IRAK3: variants seen among roughly 807,000 people sequenced by gnomAD.
IRAK3 encodes the protein interleukin-1 receptor-associated kinase 3.
In IRAK3, 57 loss-of-function variants were observed where a neutral mutation model predicts 56.6. That is an observed-to-expected ratio of 1.01 (90% confidence interval 0.81 to 1.26). The LOEUF (loss-of-function observed/expected upper bound fraction) is 1.26, where lower values mean the gene tolerates loss of function less well. IRAK3 is among the 50% of genes most tolerant of loss of function. The probability of loss-of-function intolerance (pLI) is 0.00; values close to 1 mark genes in which losing one functional copy is unlikely to be tolerated. For synonymous variants in IRAK3, 258 were observed against 255.7 expected (o/e 1.01, Z -0.09); for missense variants, 703 against 719.0 (o/e 0.98, Z 0.25).
At chr12:66,232,624 G>A (rs1198563052) in intron 8 of IRAK3, among the ~76,000 whole-genome samples, 1 of 152,184 alleles carries the variant, frequency 6.6e-6, no homozygotes, top group Non-Finnish European at 1.5e-5. Flanking sequence ...TCTTTTAAAT[G>A]AATCCTCCAC....
chr12:66,215,086 C>T (rs1382954214), intron 5 of IRAK3, among the ~76,000 whole-genome samples: 1 of 152,140 alleles, frequency 6.6e-6, no homozygotes. Context: ...AGAAGATGAA[C>T]AGTCTGCTAA....
Position 66,247,763 on chromosome 12 carries a change from G to T in IRAK3, c.1383G>T (p.Lys461Asn), listed in dbSNP as rs2053050271. 2 of 1,614,076 alleles carry T rather than the reference G, an allele frequency of 1.2e-6. No homozygotes were observed. The highest frequency in any genetic ancestry group is 1.7e-6 in the Non-Finnish European group (2 of 1,180,018). Residue 461 changes from lysine (K) to asparagine (N), a missense_variant, in exon 12 of 12, where the codon AAG (lysine) becomes AAT (asparagine). Lys to Asn is a moderately conservative substitution (Grantham distance 94, BLOSUM62 0). Coordinates refer to ENST00000261233, the MANE Select transcript of IRAK3 (RefSeq NM_007199.3). ...CTGAAGATCCTCCCACATCACTAAA[G>T]TCCTTCAGGTGTCCTTCTCCTCTAT... The part of the protein sequence containing the change: ...YFAEDPPTSL[K>N]SFRCPSPLFL...
rs117701675 is a variant in IRAK3, at chr12:66,253,358, C to T, written c.*5187C>T. The T allele has an allele frequency of 6.6e-6, 1 of 152,270 alleles. No individual in the cohort carries two copies. Among genetic ancestry groups the T allele is most frequent in the Non-Finnish European group, 1.5e-5 (1 of 68,018 alleles). 9.4% of individuals were successfully genotyped at this position (152,270 alleles called of 1,614,324 possible). ...CTCTATGGTGGAAAATATTCCCAAA[C>T]CATGTCTAAGCAATGAAAAACCAGT... is the stretch of plus-strand genomic sequence containing the variant. On this transcript the variant is annotated 3_prime_UTR_variant, in exon 12 of 12. Coordinates refer to ENST00000261233, the MANE Select transcript of IRAK3 (RefSeq NM_007199.3).
chr12:66,235,290 C>T, intron 8 of IRAK3: 3 of 1,347,828 alleles, frequency 2.2e-6, no homozygotes, highest in Non-Finnish European at 2.9e-6. Flanking sequence ...AAGATCATCG[C>T]TGCGGGCCGC....
Position 66,230,924 on chromosome 12 carries a change from A to G in IRAK3, c.887+2554A>G, listed in dbSNP as rs1384071043. Among the ~76,000 whole-genome samples, 3 of 152,196 alleles carry G rather than the reference A, an allele frequency of 2.0e-5. No individual in the cohort carries two copies. In the East Asian group the frequency reaches 5.8e-4, roughly 29 times the overall value. The stretch of plus-strand genomic sequence containing the variant: ...AAATGCGATTCTGAGCAAATTGCTT[A>G]ATGTCTCTAAGCCTCAATCTTCCTC... On this transcript the variant is annotated intron_variant, in intron 8 of 11. Transcript: ENST00000261233.
intron 6 of IRAK3, among the ~76,000 whole-genome samples, chr12:66,219,034 G>A (rs1431453235): frequency 8.9e-5 from 13 of 146,818 alleles, no homozygotes; most frequent in South Asian, 6.3e-4. Context: ...ATATTCCATC[G>A]TGTGTGTGTG....
intron 11 of IRAK3, among the ~76,000 whole-genome samples, chr12:66,247,102 T>C (rs1411649613): frequency 6.6e-6 from 1 of 152,026 alleles, no homozygotes; most frequent in East Asian, 1.9e-4. Context: ...AAACCCCATC[T>C]CTACTAAAAA....
chr12:66,223,682 T>C (rs1316146627), intron 6 of IRAK3, among the ~76,000 whole-genome samples: 1 of 150,658 alleles, frequency 6.6e-6, no homozygotes, highest in Non-Finnish European at 1.5e-5. Flanking sequence ...GTTATCATGG[T>C]TTTTGCCATT....
At chr12:66,207,792 T>C (rs1347053674) in intron 2 of IRAK3, among the ~76,000 whole-genome samples, 2 of 152,212 alleles carry the variant, frequency 1.3e-5, no homozygotes, top group Non-Finnish European at 2.9e-5. Flanking sequence ...TTGTTATTTA[T>C]GATTTTGTTG....
chr12:66,203,674 A>T (rs751503274), intron 1 of IRAK3, 37 bp from the exon 2 acceptor site: 21 of 1,563,986 alleles, frequency 1.3e-5, no homozygotes, highest in Non-Finnish European at 1.6e-5. Flanking sequence ...ATAAAAGTAC[A>T]GTAAACAATT....
chr12:66,229,667 C>G (rs1324832423), intron 8 of IRAK3, among the ~76,000 whole-genome samples: 1 of 152,128 alleles, frequency 6.6e-6, no homozygotes, highest in Non-Finnish European at 1.5e-5. Flanking sequence ...TTAATGCACA[C>G]TCATGGGACC....
intron 8 of IRAK3, among the ~76,000 whole-genome samples, chr12:66,236,395 CAAAAA>C (rs56074285): frequency 1.8e-5 from 2 of 110,372 alleles, no homozygotes; most frequent in Admixed American, 9.4e-5. Context: ...CTAAAAATAC[CAAAAA>C]AAAAAAAAAA....
chr12:66,196,781 T>A, intron 1 of IRAK3: 1 of 1,255,050 alleles, frequency 8.0e-7, no homozygotes, highest in Non-Finnish European at 1.1e-6. Flanking sequence ...TCTTTTGGAA[T>A]TAAAAATGTC....
At chr12:66,243,122 C>T (rs2052988896) in intron 8 of IRAK3, among the ~76,000 whole-genome samples, 1 of 151,794 alleles carries the variant, frequency 6.6e-6, no homozygotes, top group Non-Finnish European at 1.5e-5. Flanking sequence ...GTCAACTCAG[C>T]CCTAGACAAA....
chr12:66,232,653 C>T (rs1241663516), intron 8 of IRAK3, among the ~76,000 whole-genome samples: 2 of 152,172 alleles, frequency 1.3e-5, no homozygotes, highest in East Asian at 3.9e-4. Context: ...AAACCTAGGC[C>T]TCCCTGAGTG....
chr12:66,207,236 C>T (rs1255343280), intron 2 of IRAK3, among the ~76,000 whole-genome samples: 4 of 152,010 alleles, frequency 2.6e-5, no homozygotes, highest in Admixed American at 6.6e-5. Context: ...TTTGGGAGGC[C>T]GAGGCAGGCA....
chr12:66,211,414 T>TA, intron 4 of IRAK3, 32 bp from the exon 5 acceptor site: 1 of 1,517,044 alleles, frequency 6.6e-7, no homozygotes, highest in Non-Finnish European at 9.2e-7. Context: ...CCTTCTTAGC[T>TA]AACTTATCTT....
chr12:66,237,453 A>T (rs1379039109), intron 8 of IRAK3, among the ~76,000 whole-genome samples: 3 of 152,212 alleles, frequency 2.0e-5, no homozygotes, highest in Non-Finnish European at 4.4e-5. Flanking sequence ...AAAAGGAGAT[A>T]AAAGCTCATT....
rs879949712 is a variant in IRAK3, at chr12:66,234,997, C to T, written c.887+6627C>T. ...CAAAACCATAACCTTTGCATTTGTTCGTTGTCTTATGCAAAATTGCGTTTG... is the reference window on the plus strand; with the variant it reads ...CAAAACCATAACCTTTGCATTTGTTTGTTGTCTTATGCAAAATTGCGTTTG... On this transcript the variant is annotated intron_variant, in intron 8 of 11. Transcript: ENST00000261233. 3.7e-6 allele frequency: 6 copies of T among 1,613,648 alleles called. No individual in the cohort carries two copies. In the South Asian group the frequency reaches 4.4e-5, roughly 12 times the overall value.
Sources: allele counts gnomAD v4.1 joint callset (sites outside exome capture counted in the v4.1 genomes callset), GRCh38; gene constraint gnomAD v4.1.1; transcripts MANE v1.5; gene names NCBI Gene and HGNC (gene_info 2026-07-23, HGNC 2026-07-21).